Variants in TEX10 observed in about 807,000 individuals in gnomAD.
TEX10 encodes testis-expressed protein 10.
A neutral mutation model predicts 104.4 loss-of-function variants in TEX10; 24 were observed. The ratio of observed to expected loss-of-function variants is 0.23; its 90% CI spans 0.17 to 0.32. TEX10 has a LOEUF of 0.32. TEX10 is among the 10% of genes least tolerant of loss of function. The probability of loss-of-function intolerance (pLI) is 1.00; values close to 1 mark genes in which losing one functional copy is unlikely to be tolerated. For synonymous variants in TEX10, 396 were observed against 393.4 expected, an observed-to-expected ratio of 1.01 and a Z score of -0.08; for missense variants, 921 against 1,083.9, an observed-to-expected ratio of 0.85 and a Z score of 2.11.
chr9:100,344,616 G>A (rs1252562182), intron 4 of TEX10, among the ~76,000 whole-genome samples: 1 of 152,136 alleles, frequency 6.6e-6, no homozygotes, highest in Admixed American at 6.6e-5. Context: ...AGGCTGAGGC[G>A]GGTGGATCAC....
In TEX10 at chr9:100,327,969, A is replaced by C. The variant is rs1016628486; in HGVS notation, c.1626-7T>G. 6.6e-7 allele frequency: 1 copy of C among 1,520,474 alleles called. No homozygotes were observed. Among genetic ancestry groups the C allele is most frequent in the Non-Finnish European group, 8.9e-7 (1 of 1,121,628 alleles). The allele number at this position is 1,520,474 out of a possible 1,614,324, so 94.2% of individuals were successfully genotyped here. A position where few individuals can be genotyped will look rare whatever the true frequency, so the allele number is the denominator to read the frequency against. On this transcript the variant is annotated splice_polypyrimidine_tract_variant and splice_region_variant and intron_variant, in intron 7 of 14. Coordinates refer to ENST00000374902, the MANE Select transcript of TEX10 (RefSeq NM_017746.4). ...TAACACTTTACTACGATATCTTAGA[A>C]AGGCCAAAGAAGAATAAAATGTAAT...
intron 4 of TEX10, among the ~76,000 whole-genome samples, chr9:100,344,366 T>C (rs555005300): frequency 6.6e-6 from 1 of 152,348 alleles, no homozygotes; most frequent in South Asian, 2.1e-4. Context: ...GATCCTTTGT[T>C]AGTGTTATCC....
intron 12 of TEX10, among the ~76,000 whole-genome samples, chr9:100,309,797 T>C (rs185295956): frequency 6.6e-6 from 1 of 152,204 alleles, no homozygotes; most frequent in Admixed American, 6.5e-5. Flanking sequence ...ACTACAGAGG[T>C]ATATCTAATG....
At chr9:100,304,073 A>G in intron 13 of TEX10, 1 of 563,198 alleles carries the variant, frequency 1.8e-6, no homozygotes, top group South Asian at 2.1e-5. Flanking sequence ...GAAAAACTAC[A>G]GAACACTGCT....
intron 4 of TEX10, among the ~76,000 whole-genome samples, chr9:100,340,886 A>G (rs1484493734): frequency 6.6e-6 from 1 of 152,076 alleles, no homozygotes; most frequent in Non-Finnish European, 1.5e-5. Context: ...AAGGTAACCA[A>G]CCATCCCATT....
intron 14 of TEX10, among the ~76,000 whole-genome samples, 181 bp from the exon 15 acceptor site, chr9:100,302,485 G>A (rs1266292168): frequency 6.6e-6 from 1 of 152,194 alleles, no homozygotes; most frequent in African/African-American, 2.4e-5. Context: ...CACAGGCAGT[G>A]AAAATTCCTA....
chr9:100,335,524 A>G (rs1461329214), intron 5 of TEX10, among the ~76,000 whole-genome samples: 2 of 152,104 alleles, frequency 1.3e-5, no homozygotes, highest in African/African-American at 4.8e-5. Context: ...TAATACAATT[A>G]TTTATGTTTA....
rs145080863 is a variant in TEX10, at chr9:100,327,881, G to C, written c.1707C>G (p.Leu569=). The change falls in exon 8 of 15, where the codon CTC becomes CTG. Residue 569 remains leucine, a synonymous_variant. Transcript: ENST00000374902. The part of the protein sequence containing the change: ...LAHLGSRNPE[L]STQLIDIIHT... ...GAATGATATCGATAAGCTGTGTAGA[G>C]AGCTCAGGATTTCGGGAGCCAAGAT... 30 of 1,607,132 alleles carry C rather than the reference G, an allele frequency of 1.9e-5. No homozygotes were observed. The highest frequency in any genetic ancestry group is 2.4e-5 in the Non-Finnish European group (28 of 1,175,400).
chr9:100,302,929 C>CA (rs1554732270), intron 14 of TEX10, among the ~76,000 whole-genome samples: 1 of 57,084 alleles, frequency 1.8e-5, no homozygotes, highest in Non-Finnish European at 3.0e-5. Flanking sequence ...TTTTTAACCG[C>CA]CCCCCCCCCA....
chr9:100,306,290 AG>A (rs1184441372), intron 13 of TEX10: 1 of 152,172 alleles, frequency 6.6e-6, no homozygotes, highest in Non-Finnish European at 1.5e-5. Flanking sequence ...CCAGACTTGA[AG>A]AAAAAAAACT....
chr9:100,309,083 A>G (rs1016809845), intron 12 of TEX10, among the ~76,000 whole-genome samples: 72 of 152,338 alleles, frequency 4.7e-4, no homozygotes, highest in African/African-American at 1.7e-3. Context: ...TGCATGTGGC[A>G]CCACTCATAT....
At chr9:100,329,849 A>G in intron 6 of TEX10, 82 bp downstream of exon 6, 2 of 1,180,240 alleles carry the variant, frequency 1.7e-6, no homozygotes, top group South Asian at 2.9e-5. Context: ...GAATGTTTAC[A>G]AGCCATCATT....
chr9:100,344,604 G>C (rs574073017), intron 4 of TEX10, among the ~76,000 whole-genome samples: 96 of 152,344 alleles, frequency 6.3e-4, no homozygotes, highest in African/African-American at 2.1e-3. Flanking sequence ...CAACACTTTG[G>C]GAGGCTGAGG....
chr9:100,317,725 C>T (rs13301192), intron 11 of TEX10, among the ~76,000 whole-genome samples: 1,662 of 152,054 alleles, frequency 0.011, 17 homozygotes, highest in African/African-American at 0.016. Flanking sequence ...ATAGGCAAAC[C>T]ATGCATCCAA....
At chr9:100,313,522 A>AAAAAAG (rs532769922) in intron 11 of TEX10, among the ~76,000 whole-genome samples, 1 of 151,656 alleles carries the variant, frequency 6.6e-6, no homozygotes, top group African/African-American at 2.4e-5. Flanking sequence ...TCAAAAAAAA[A>AAAAAAG]AAAAAGAAAA....
Position 100,349,292 on chromosome 9 carries a change from C to A in TEX10, c.72G>T (p.Lys24Asn). 1.2e-6 allele frequency: 2 copies of A among 1,604,276 alleles called. No individual in the cohort carries two copies. The highest frequency in any genetic ancestry group is 2.3e-5 in the South Asian group (2 of 87,626). The change falls in exon 2 of 15, where the codon AAG (lysine) becomes AAT (asparagine). Residue 24 changes from lysine (K) to asparagine (N), a missense_variant. By Grantham distance (94) the Lys-to-Asn change is moderately conservative. This residue lies in a region of TEX10 where 118 missense variants were observed against 111.3 expected (regional missense o/e 1.06). Coordinates refer to ENST00000374902, the MANE Select transcript of TEX10 (RefSeq NM_017746.4). ...AGTTTGTAGGAGTAGCATTTTGTAA[C>A]TTGGGCTTCTTTTTACCAACTTTCA... ...VKLKVGKKKP[K>N]LQNATPTNFK...
chr9:100,330,881 T>C (rs1222728887), intron 5 of TEX10, among the ~76,000 whole-genome samples: 1 of 151,966 alleles, frequency 6.6e-6, no homozygotes, highest in African/African-American at 2.4e-5. Context: ...TTTGGGAGGA[T>C]GAACTGGGAA....
chr9:100,331,080 ACT>A (rs1023276123), intron 5 of TEX10, among the ~76,000 whole-genome samples: 2 of 147,594 alleles, frequency 1.4e-5, no homozygotes, highest in African/African-American at 5.1e-5. Context: ...ACATGGTTAA[ACT>A]CTGTCTCTAC....
intron 9 of TEX10, among the ~76,000 whole-genome samples, chr9:100,324,267 AAGTG>A (rs1834648219): frequency 1.3e-5 from 2 of 152,132 alleles, no homozygotes; most frequent in African/African-American, 4.8e-5. Context: ...TCCTGACCTC[AAGTG>A]ATCTGCCTGC....
Sources: gnomAD v4.1 joint callset for allele counts (sites outside exome capture counted in the v4.1 genomes callset) on GRCh38, gnomAD v4.1.1 for gene constraint, gnomAD v4.1.1 regional missense constraint, MANE v1.5 for transcripts, NCBI Gene and HGNC (gene_info 2026-07-23, HGNC 2026-07-21) for gene names.